Variants in PHLDB2 observed in about 807,000 individuals in gnomAD.
PHLDB2 encodes pleckstrin homology like domain family B member 2, also known as pleckstrin homology-like domain family B member 2.
Under a neutral mutation model 123.6 loss-of-function variants are expected in PHLDB2, and 71 were observed. That is an observed-to-expected ratio of 0.57 (90% CI 0.47 to 0.70). The LOEUF is 0.70. PHLDB2 is among the 30% of genes least tolerant of loss of function. The pLI, the probability that PHLDB2 is intolerant of heterozygous loss-of-function variation, is 0.00. For synonymous variants in PHLDB2, 547 were observed against 541.6 expected (o/e 1.01, Z -0.14); for missense variants, 1,446 against 1,519.5 (o/e 0.95, Z 0.80).
chr3:111,783,666 C>G (rs1275372765), intron 1 of PHLDB2, among the ~76,000 whole-genome samples: 4 of 152,052 alleles, frequency 2.6e-5, no homozygotes. Flanking sequence ...ATTCCCGAGA[C>G]AGAAAATTGA....
chr3:111,967,730 G>A lies in PHLDB2; in HGVS notation c.3221G>A (p.Arg1074Gln), dbSNP rs367708355. Reference protein sequence around the residue: ...KRALEEEKRRREILEKRLQEE... With the variant: ...KRALEEEKRRQEILEKRLQEE... ...GCCCTGGAAGAAGAAAAACGACGCC[G>A]GGAAATCCTGGAAAAACGATTACAG... Residue 1074 changes from arginine (R) to glutamine (Q), a missense_variant, in exon 15 of 18, where the codon CGG (arginine) becomes CAG (glutamine). By Grantham distance (43) the Arg-to-Gln change is conservative. This residue lies in a region of PHLDB2 where 594 missense variants were observed against 646.0 expected (regional missense o/e 0.92). Transcript: ENST00000431670. The A allele has an allele frequency of 1.7e-5, 28 of 1,612,466 alleles. No individual in the cohort carries two copies. Among genetic ancestry groups the A allele is most frequent in the Non-Finnish European group, 2.2e-5 (26 of 1,179,502 alleles).
chr3:111,789,475 G>C (rs1559832126), intron 1 of PHLDB2, among the ~76,000 whole-genome samples: 1 of 152,184 alleles, frequency 6.6e-6, no homozygotes, highest in African/African-American at 2.4e-5. Context: ...TTTAAAAAAA[G>C]AAGAAAGATT....
intron 5 of PHLDB2, among the ~76,000 whole-genome samples, chr3:111,930,870 T>A (rs536341644): frequency 7.5e-4 from 114 of 152,338 alleles, no homozygotes; most frequent in Non-Finnish European, 1.3e-3. Context: ...AGGTTTATGA[T>A]TTCTGAATTT....
intron 1 of PHLDB2, among the ~76,000 whole-genome samples, chr3:111,738,484 A>G (rs1019614058): frequency 1.3e-5 from 2 of 152,206 alleles, no homozygotes; most frequent in African/African-American, 4.8e-5. Context: ...ACAATCATCT[A>G]CTCTTTCCCA....
At chr3:111,899,456 G>C (rs1404548622) in intron 2 of PHLDB2, among the ~76,000 whole-genome samples, 2 of 152,012 alleles carry the variant, frequency 1.3e-5, no homozygotes, top group Non-Finnish European at 2.9e-5. Context: ...ATTTTTAAAG[G>C]AATTTTTTTT....
intron 2 of PHLDB2, among the ~76,000 whole-genome samples, chr3:111,907,357 C>G (rs1300018303): frequency 6.6e-6 from 1 of 152,204 alleles, no homozygotes; most frequent in African/African-American, 2.4e-5. Context: ...CCAAAGAGTT[C>G]CAAAGGCAAC....
chr3:111,863,133 G>A (rs2064916612), intron 1 of PHLDB2, among the ~76,000 whole-genome samples: 1 of 152,296 alleles, frequency 6.6e-6, no homozygotes, highest in East Asian at 1.9e-4. Flanking sequence ...GCACGTGCCT[G>A]GGTGCCCCAG....
In PHLDB2 at chr3:111,962,111, A is replaced by G. The variant is rs777448360; in HGVS notation, c.2876A>G (p.Tyr959Cys). The G allele has an allele frequency of 4.4e-6, 7 of 1,577,608 alleles. No homozygotes were observed. Among genetic ancestry groups the G allele is most frequent in the Non-Finnish European group, 6.0e-6 (7 of 1,170,328 alleles). The change falls in exon 13 of 18, where the codon TAT becomes TGT. Residue 959 changes from tyrosine to cysteine, a missense_variant. By Grantham distance (194) the Tyr-to-Cys change is radical (BLOSUM62 -2). Around this residue, in one of 3 missense-constraint regions of PHLDB2, gnomAD observed 594 missense variants for 646.0 expected, o/e 0.92. Coordinates refer to ENST00000431670, the MANE Select transcript of PHLDB2 (RefSeq NM_001134438.2). Reference protein sequence around the residue: ...DSESRRMLRGYNHQQMSEGHR... With the variant: ...DSESRRMLRGCNHQQMSEGHR... ...ATATTTATGGCTCCTTCCTTAGGTT[A>G]TAATCACCAACAGATGAGTGAAGGA...
rs775568358 is a variant in PHLDB2, at chr3:111,884,946, A to G, written c.869A>G (p.Asp290Gly). 2 of 1,614,056 alleles carry G rather than the reference A, an allele frequency of 1.2e-6. No homozygotes were observed. The highest frequency in any genetic ancestry group is 4.5e-5 in the East Asian group (2 of 44,860). Reference sequence around the variant, plus strand: ...AAACGAACAAAACTTGGGGAAAAGGATCTACCTCATAGCGTAATAGACAAT... The same window carrying G: ...AAACGAACAAAACTTGGGGAAAAGGGTCTACCTCATAGCGTAATAGACAAT... ...NSKRTKLGEK[D>G]LPHSVIDNDN... is the part of the protein sequence containing the mutation. Residue 290 changes from aspartate (D) to glycine (G), a missense_variant, in exon 2 of 18, where the codon GAT becomes GGT. Physicochemically the swap from Asp to Gly is moderately conservative, Grantham distance 94. Around this residue, in one of 3 missense-constraint regions of PHLDB2, gnomAD observed 832 missense variants for 831.9 expected, o/e 1.00. Transcript: ENST00000431670.
intron 1 of PHLDB2, among the ~76,000 whole-genome samples, chr3:111,734,157 C>T (rs560126712): frequency 1.9e-4 from 29 of 152,272 alleles, no homozygotes; most frequent in African/African-American, 7.0e-4. Flanking sequence ...AAAACTGATA[C>T]GTTTCTGTGA....
intron 1 of PHLDB2, among the ~76,000 whole-genome samples, chr3:111,786,131 T>C (rs578157246): frequency 1.3e-5 from 2 of 152,264 alleles, no homozygotes; most frequent in Non-Finnish European, 2.9e-5. Flanking sequence ...CTCAAGTCTC[T>C]GATATAAAAT....
intron 1 of PHLDB2, among the ~76,000 whole-genome samples, chr3:111,750,153 A>G (rs763528458): frequency 2.6e-5 from 4 of 152,350 alleles, no homozygotes; most frequent in Middle Eastern, 3.4e-3. Context: ...TCTTATGCCT[A>G]TTAGTATATG....
intron 1 of PHLDB2, among the ~76,000 whole-genome samples, chr3:111,772,066 A>AG (rs531132550): frequency 2.3e-4 from 1 of 4,264 alleles, no homozygotes. Context: ...TCTGCTCCTC[A>AG]AAAAAAAGAC....
At chr3:111,778,596 C>T (rs1212438287) in intron 1 of PHLDB2, 1 of 152,018 alleles carries the variant, frequency 6.6e-6, no homozygotes, top group Non-Finnish European at 1.5e-5. Context: ...ACTGCCCTTT[C>T]TAGAAAAATG....
chr3:111,899,458 A>G (rs772878675), intron 2 of PHLDB2, among the ~76,000 whole-genome samples: 1 of 151,966 alleles, frequency 6.6e-6, no homozygotes, highest in Non-Finnish European at 1.5e-5. Flanking sequence ...TTTTAAAGGA[A>G]TTTTTTTTCC....
At chr3:111,969,021 G>A (rs1218103544) in intron 15 of PHLDB2, among the ~76,000 whole-genome samples, 1 of 152,152 alleles carries the variant, frequency 6.6e-6, no homozygotes, top group East Asian at 1.9e-4. Context: ...GATTGGACGG[G>A]CTTTCATACC....
intron 1 of PHLDB2, among the ~76,000 whole-genome samples, chr3:111,883,577 A>G (rs541024193): frequency 2.0e-5 from 3 of 152,208 alleles, no homozygotes; most frequent in South Asian, 4.1e-4. Flanking sequence ...GTTATTGATC[A>G]GTGTCTAACG....
Position 111,803,284 on chromosome 3 carries a change from C to T in PHLDB2, c.-48-42537C>T, listed in dbSNP as rs184268642. Among the ~76,000 whole-genome samples the T allele has an allele frequency of 3.3e-5, 5 of 152,256 alleles. No individual in the cohort carries two copies. In the East Asian group the frequency reaches 9.7e-4, roughly 29 times the overall value. On this transcript the variant is annotated intron_variant, in intron 1 of 17. Transcript: ENST00000393923. ...AAATTTCTGATGGGGATCAGAGTGC[C>T]TCTCCCTCACTGACAAATATGGAAT...
intron 1 of PHLDB2, among the ~76,000 whole-genome samples, chr3:111,811,785 G>T (rs1334982672): frequency 6.6e-6 from 1 of 152,100 alleles, no homozygotes; most frequent in East Asian, 1.9e-4. Flanking sequence ...ATCTGCCAAA[G>T]AATTATTAAA....
Sources: gnomAD v4.1 joint callset for allele counts (sites outside exome capture counted in the v4.1 genomes callset) on GRCh38, gnomAD v4.1.1 for gene constraint, gnomAD v4.1.1 regional missense constraint, MANE v1.5 for transcripts, NCBI Gene and HGNC (gene_info 2026-07-23, HGNC 2026-07-21) for gene names.